DDX43: variants seen among roughly 807,000 people sequenced by gnomAD.
DDX43 encodes DEAD-box helicase 43.
A neutral mutation model predicts 84.9 loss-of-function variants in DDX43; 50 were observed. That is an observed-to-expected ratio of 0.59 (90% CI 0.47 to 0.75). DDX43 has a LOEUF of 0.75. Ranked by LOEUF, DDX43 falls within the 30% of genes least tolerant of loss-of-function variation. The pLI is 0.00. For synonymous variants in DDX43, 291 were observed against 266.3 expected (o/e 1.09, Z -0.90); for missense variants, 689 against 798.6 (o/e 0.86, Z 1.65).
chr6:73,412,673 G>GCGCA (rs1554236174), intron 11 of DDX43, among the ~76,000 whole-genome samples: 1 of 110,136 alleles, frequency 9.1e-6, no homozygotes, highest in Non-Finnish European at 2.0e-5. Context: ...GTGTGTGCGC[G>GCGCA]CGCGCGTGTG....
chr6:73,400,661 G>A (rs1158281966), intron 3 of DDX43, among the ~76,000 whole-genome samples: 3 of 152,116 alleles, frequency 2.0e-5, no homozygotes, highest in Non-Finnish European at 4.4e-5. Context: ...CACAAGCAGG[G>A]AAATAACCCT....
intron 9 of DDX43, among the ~76,000 whole-genome samples, chr6:73,408,491 A>G (rs917563077): frequency 1.3e-5 from 2 of 152,138 alleles, no homozygotes; most frequent in African/African-American, 4.8e-5. Context: ...TTGAGCTTTT[A>G]ATAGTTTTAA....
intron 4 of DDX43, among the ~76,000 whole-genome samples, chr6:73,404,276 T>C (rs1055814528): frequency 6.6e-6 from 1 of 151,658 alleles, no homozygotes; most frequent in Non-Finnish European, 1.5e-5. Context: ...TTGTTTTTAG[T>C]AGAGATGGGT....
chr6:73,412,967 G>T (rs183200354), intron 11 of DDX43, among the ~76,000 whole-genome samples: 1 of 152,126 alleles, frequency 6.6e-6, no homozygotes, highest in East Asian at 1.9e-4. Flanking sequence ...GACCTCAGGC[G>T]ATCTGCCCCC....
intron 2 of DDX43, among the ~76,000 whole-genome samples, chr6:73,399,543 C>T (rs1769530138): frequency 6.6e-6 from 1 of 152,188 alleles, no homozygotes; most frequent in African/African-American, 2.4e-5. Context: ...CTCGTTTCAG[C>T]ACTCATACAG....
intron 4 of DDX43, among the ~76,000 whole-genome samples, chr6:73,402,198 G>A (rs1481016188): frequency 6.6e-6 from 1 of 152,114 alleles, no homozygotes; most frequent in Non-Finnish European, 1.5e-5. Flanking sequence ...CCTATTTATA[G>A]TCTGTCAGCG....
chr6:73,414,802 C>T (rs528650852), intron 14 of DDX43, 116 bp downstream of exon 14: 3 of 940,018 alleles, frequency 3.2e-6, no homozygotes, highest in East Asian at 2.6e-5. Flanking sequence ...TCAGCTACTT[C>T]CCAGATTATA....
rs1769668525 is a variant in DDX43 at position 73,405,835 on chromosome 6, G to A, written c.807G>A (p.Gln269=). ...KAGFQKPTPI[Q]SQAWPIVLQG... The stretch of plus-strand genomic sequence containing the variant: ...GTTTTCAAAAGCCAACACCTATTCA[G>A]GTATGCTTTCATTAATTACAATATT... The change falls in exon 6 of 17, where the codon CAG becomes CAA. Residue 269 remains glutamine (Q), a splice_region_variant and synonymous_variant. Transcript: ENST00000370336. The A allele has an allele frequency of 6.2e-7, 1 of 1,612,056 alleles. No individual in the cohort carries two copies. Among genetic ancestry groups the A allele is most frequent in the East Asian group, 2.2e-5 (1 of 44,860 alleles).
intron 2 of DDX43, 62 bp downstream of exon 2, chr6:73,397,806 ACT>A (rs773234204): frequency 6.1e-5 from 88 of 1,450,776 alleles, no homozygotes; most frequent in Non-Finnish European, 8.2e-5. Flanking sequence ...GGAGCACCTA[ACT>A]CTACTTTTCT....
intron 4 of DDX43, among the ~76,000 whole-genome samples, chr6:73,403,199 T>C (rs1182482796): frequency 6.6e-6 from 1 of 152,144 alleles, no homozygotes; most frequent in Non-Finnish European, 1.5e-5. Flanking sequence ...CCGGGCCCAG[T>C]GGCTCACGCC....
At chr6:73,396,179 G>A (rs1369281479) in intron 1 of DDX43, among the ~76,000 whole-genome samples, 4 of 152,012 alleles carry the variant, frequency 2.6e-5, no homozygotes, top group African/African-American at 9.7e-5. Flanking sequence ...GGATGGTCTC[G>A]AACTCCTGTG....
intron 4 of DDX43, among the ~76,000 whole-genome samples, chr6:73,403,585 C>T (rs1769617020): frequency 6.6e-6 from 1 of 152,120 alleles, no homozygotes; most frequent in South Asian, 2.1e-4. Context: ...GATAATCAAA[C>T]TATTATGTGT....
chr6:73,406,149 T>C (rs1769678153), intron 6 of DDX43, among the ~76,000 whole-genome samples: 1 of 151,862 alleles, frequency 6.6e-6, no homozygotes, highest in African/African-American at 2.4e-5. Context: ...TCAGCCTCCC[T>C]TGTAGCTGGG....
chr6:73,403,446 G>A (rs540355020), intron 4 of DDX43, among the ~76,000 whole-genome samples: 3 of 152,100 alleles, frequency 2.0e-5, no homozygotes, highest in African/African-American at 7.2e-5. Context: ...CTCCAGCCTG[G>A]GCGACAGAGT....
At position 73,395,075 on chromosome 6, in the gene DDX43, C is replaced by A; in HGVS notation, c.170C>A (p.Pro57His). The change falls in exon 1 of 17, where the codon CCC (proline) becomes CAC (histidine). Residue 57 changes from proline to histidine, a missense_variant. By Grantham distance (77) the Pro-to-His change is moderately conservative. Around this residue, in one of 2 missense-constraint regions of DDX43, gnomAD observed 137 missense variants for 105.9 expected, o/e 1.29. Transcript: ENST00000370336. ...GGTCGCTGGAGAGGCACCTCTAGGCCCCCGGAGGCCGTGGCCGCTGGTCAC... is the reference window on the plus strand; with the variant it reads ...GGTCGCTGGAGAGGCACCTCTAGGCACCCGGAGGCCGTGGCCGCTGGTCAC... Reference protein sequence around the residue: ...RGGRWRGTSRPPEAVAAGHEE... With the variant: ...RGGRWRGTSRHPEAVAAGHEE... 6.2e-7 allele frequency: 1 copy of A among 1,614,150 alleles called. No individual in the cohort carries two copies. Among genetic ancestry groups the A allele is most frequent in the African/African-American group, 1.3e-5 (1 of 75,054 alleles).
intron 11 of DDX43, among the ~76,000 whole-genome samples, chr6:73,412,521 T>A (rs1445390317): frequency 2.5e-4 from 37 of 146,998 alleles, no homozygotes; most frequent in South Asian, 8.6e-4. Context: ...AGAGAGAGAG[T>A]GTGTGTGTGT....
chr6:73,403,689 G>A (rs1769619277), intron 4 of DDX43, among the ~76,000 whole-genome samples: 2 of 151,914 alleles, frequency 1.3e-5, no homozygotes, highest in Non-Finnish European at 2.9e-5. Context: ...TCACTCTGTT[G>A]CCTAGGCTAG....
At chr6:73,415,262 C>T (rs1430038542) in intron 14 of DDX43, among the ~76,000 whole-genome samples, 1 of 152,088 alleles carries the variant, frequency 6.6e-6, no homozygotes, top group Non-Finnish European at 1.5e-5. Context: ...TGCGCCATTG[C>T]ACTCCAGCCT....
intron 2 of DDX43, 68 bp from the exon 3 acceptor site, chr6:73,400,166 G>C (rs1769537622): frequency 1.4e-6 from 2 of 1,401,236 alleles, no homozygotes. Context: ...AGGGGTTAGG[G>C]GCTTAGGGAA....
Sources: allele counts gnomAD v4.1 joint callset (sites outside exome capture counted in the v4.1 genomes callset), GRCh38; gene constraint gnomAD v4.1.1; regional missense constraint gnomAD v4.1.1; transcripts MANE v1.5; gene names NCBI Gene and HGNC (gene_info 2026-07-23, HGNC 2026-07-21).